PPM1A: variants seen among roughly 807,000 people sequenced by gnomAD.
PPM1A encodes the protein protein phosphatase, Mg2+/Mn2+ dependent 1A, also known as protein phosphatase 1A.
In PPM1A, 7 loss-of-function variants were observed where a neutral mutation model predicts 35.0. The observed-to-expected ratio is 0.20, with a 90% CI of 0.11 to 0.38. The LOEUF is 0.38. Ranked by LOEUF, PPM1A falls within the 10% of genes least tolerant of loss-of-function variation. The pLI is 1.00. For missense variants in PPM1A, 239 were observed against 467.8 expected (o/e 0.51, Z 4.51); for synonymous variants, 153 against 167.3 (o/e 0.91, Z 0.66).
At chr14:60,276,334 T>C (rs1055504199) in intron 1 of PPM1A, among the ~76,000 whole-genome samples, 6 of 152,162 alleles carry the variant, frequency 3.9e-5, no homozygotes, top group Non-Finnish European at 8.8e-5. Flanking sequence ...TCTCACTATA[T>C]ATTTTTTTCT....
rs532257214 is a variant in PPM1A, at chr14:60,297,474, G to T, written c.*4992G>T. 7.2e-5 allele frequency: 11 copies of T among 151,790 alleles called. No individual in the cohort carries two copies. The highest frequency in any genetic ancestry group is 2.2e-4 in the African/African-American group (9 of 41,506). 9.4% of individuals were successfully genotyped at this position (151,790 alleles called of 1,614,324 possible). On this transcript the variant is annotated 3_prime_UTR_variant, in exon 6 of 6. Coordinates refer to ENST00000395076, the MANE Select transcript of PPM1A (RefSeq NM_021003.5). ...ATAGAAACAACTGAGAAGAATTAAT[G>T]CAATGTTTCTTCACTAGAAAACCCA...
At chr14:60,248,975 C>G (rs879069396), upstream of PPM1A, among the ~76,000 whole-genome samples, 10 of 152,246 alleles carry the variant, frequency 6.6e-5, no homozygotes, top group South Asian at 6.2e-4. Context: ...GTGCTCCAGG[C>G]CGTAAGGCAA....
chr14:60,268,335 T>G (rs1203417476), intron 1 of PPM1A: 2 of 980,466 alleles, frequency 2.0e-6, no homozygotes, highest in African/African-American at 3.5e-5. Context: ...AAAAAAAAAT[T>G]TGTTTTCCGA....
chr14:60,248,402 G>T (rs972865335), upstream of PPM1A, among the ~76,000 whole-genome samples: 4 of 152,348 alleles, frequency 2.6e-5, no homozygotes, highest in African/African-American at 7.2e-5. Context: ...AATACAATGT[G>T]GAATCCCCTG....
chr14:60,250,057 C>T (rs1882188438), intron 1 of PPM1A, among the ~76,000 whole-genome samples: 1 of 151,226 alleles, frequency 6.6e-6, no homozygotes, highest in Non-Finnish European at 1.5e-5. Flanking sequence ...GGGGCGTCCC[C>T]GCGCCCCCAC....
At chr14:60,268,283 A>AT in intron 1 of PPM1A, 10 of 983,718 alleles carry the variant, frequency 1.0e-5, no homozygotes, top group Non-Finnish European at 1.2e-5. Context: ...ACTTTCTCAT[A>AT]TTGTTCCAGG....
chr14:60,293,766 T>G lies in PPM1A; in HGVS notation c.*1284T>G, dbSNP rs1301402025. 6.6e-6 allele frequency: 1 copy of G among 151,914 alleles called. No individual in the cohort carries two copies. The highest frequency in any genetic ancestry group is 1.5e-5 in the Non-Finnish European group (1 of 67,862). 9.4% of individuals were successfully genotyped at this position (151,914 alleles called of 1,614,324 possible). ...AAGTGGTTAAGATGTATTTGTGATT[T>G]GAAATATAGCATGTTGATAATATTT... On this transcript the variant is annotated 3_prime_UTR_variant, in exon 6 of 6. Coordinates refer to ENST00000395076, the MANE Select transcript of PPM1A (RefSeq NM_021003.5). The surrounding 1 kb of genome is among the most constrained non-coding windows in gnomAD (Gnocchi z 4.0).
upstream of PPM1A, among the ~76,000 whole-genome samples, chr14:60,247,121 A>T (rs1881829828): frequency 6.6e-6 from 1 of 152,212 alleles, no homozygotes; most frequent in Admixed American, 6.5e-5. Context: ...AATGTTAATG[A>T]GTCCACCAGC....
At position 60,279,072 on chromosome 14, in the gene PPM1A, G is replaced by C. The variant is rs540072692; in HGVS notation, c.-20-3612G>C. ...TATACACTTGGGACAAAAACTTCAA[G>C]AAACAGTATTTACTTACTTTTATCA... On this transcript the variant is annotated intron_variant, in intron 1 of 5. Transcript: ENST00000395076. Among the ~76,000 whole-genome samples, 3 of 152,250 alleles carry C rather than the reference G, an allele frequency of 2.0e-5. No individual in the cohort carries two copies. In the East Asian group the frequency reaches 5.8e-4, roughly 29 times the overall value.
rs1882059405 is a variant in PPM1A, at chr14:60,249,528, C to G, written c.-170C>G. Reference sequence around the variant, plus strand: ...CGGACGCAGCCCGGCTCCTCCCCTCCTCCGCCCCTTCCCCAGCCTGACCTG... The same window carrying G: ...CGGACGCAGCCCGGCTCCTCCCCTCGTCCGCCCCTTCCCCAGCCTGACCTG... On this transcript the variant is annotated 5_prime_UTR_variant, in exon 1 of 6. Transcript: ENST00000395076. This position sits in a 1 kb window ranked among gnomAD's most constrained non-coding sequence, Gnocchi z 4.5. 2.0e-6 allele frequency: 2 copies of G among 985,304 alleles called. No homozygotes were observed. Among genetic ancestry groups the G allele is most frequent in the Non-Finnish European group, 1.2e-6 (1 of 829,688 alleles). 61.0% of individuals were successfully genotyped at this position (985,304 alleles called of 1,614,324 possible).
rs575804222 is a variant in PPM1A at position 60,283,690 on chromosome 14, C to G, written c.834+153C>G. ...CAATTATGAAAATATATCATAGGACCACTATGTAGAAATAAATTACCCAAT... is the reference window on the plus strand; with the variant it reads ...CAATTATGAAAATATATCATAGGACGACTATGTAGAAATAAATTACCCAAT... On this transcript the variant is annotated intron_variant, in intron 2 of 5. Transcript: ENST00000395076. The surrounding 1 kb of genome is among the most constrained non-coding windows in gnomAD (Gnocchi z 6.3). Among the ~76,000 whole-genome samples the G allele has an allele frequency of 1.3e-5, 2 of 152,154 alleles. No individual in the cohort carries two copies. The highest frequency in any genetic ancestry group is 3.9e-4 in the East Asian group (2 of 5,170).
Position 60,256,007 on chromosome 14 carries a change from T to G in PPM1A, c.-21+6330T>G, listed in dbSNP as rs1269119378. ...TAGATGATGTGTTAAAGAAGAGAGATAACTATCAGCTGATTTAATTTGAAC... is the reference window on the plus strand; with the variant it reads ...TAGATGATGTGTTAAAGAAGAGAGAGAACTATCAGCTGATTTAATTTGAAC... On this transcript the variant is annotated intron_variant, in intron 1 of 5. Coordinates refer to ENST00000395076, the MANE Select transcript of PPM1A (RefSeq NM_021003.5). Among the ~76,000 whole-genome samples the G allele has an allele frequency of 3.9e-5, 6 of 152,360 alleles. No individual in the cohort carries two copies. In the East Asian group the frequency reaches 9.6e-4, roughly 24 times the overall value.
At position 60,289,821 on chromosome 14, in the gene PPM1A, A is replaced by G. The variant is rs1319517754; in HGVS notation, c.968A>G (p.Gln323Arg). 3 of 1,609,278 alleles carry G rather than the reference A, an allele frequency of 1.9e-6. No individual in the cohort carries two copies. The highest frequency in any genetic ancestry group is 2.5e-6 in the Non-Finnish European group (3 of 1,178,066). Residue 323 changes from glutamine to arginine, a missense_variant, in exon 4 of 6, where the codon CAG becomes CGG. This residue lies in a region of PPM1A where 64 missense variants were observed against 78.6 expected (regional missense o/e 0.81). Coordinates refer to ENST00000395076, the MANE Select transcript of PPM1A (RefSeq NM_021003.5). This position sits in a 1 kb window ranked among gnomAD's most constrained non-coding sequence, Gnocchi z 4.1. Reference sequence around the variant, plus strand: ...TGATTCCCAGAAATCATAAAGAAGCAGGGGGAAGGCGTCCCCGACTTAGTC... The same window carrying G: ...TGATTCCCAGAAATCATAAAGAAGCGGGGGGAAGGCGTCCCCGACTTAGTC... ...ECRVEEIIKK[Q>R]GEGVPDLVHV...
chr14:60,272,500 A>G lies in PPM1A; in HGVS notation c.-20-10184A>G, dbSNP rs187155212. On this transcript the variant is annotated intron_variant, in intron 1 of 5. Coordinates refer to ENST00000395076, the MANE Select transcript of PPM1A (RefSeq NM_021003.5). The stretch of plus-strand genomic sequence containing the variant: ...GGCAGGGGAATCACTTGAGGTCAGG[A>G]GTTTGAGACCAGCGTAGCCAACATG... Among the ~76,000 whole-genome samples the G allele has an allele frequency of 2.2e-3, 340 of 152,148 alleles. 2 individuals carry two copies. Among genetic ancestry groups the G allele is most frequent in the African/African-American group, 7.9e-3 (327 of 41,502 alleles).
At chr14:60,264,406 T>G (rs1884137171) in intron 1 of PPM1A, among the ~76,000 whole-genome samples, 1 of 152,138 alleles carries the variant, frequency 6.6e-6, no homozygotes, top group Non-Finnish European at 1.5e-5. Flanking sequence ...TTGGGCAAGT[T>G]CAAAATGGAT....
rs1886656922 is a variant in PPM1A, at chr14:60,283,859, G to A, written c.834+322G>A. Among the ~76,000 whole-genome samples the A allele has an allele frequency of 1.3e-5, 2 of 152,202 alleles. No homozygotes were observed. Among genetic ancestry groups the A allele is most frequent in the African/African-American group, 4.8e-5 (2 of 41,446 alleles). ...AGGGTGGGGAGGGTTAGGCCTCAGT[G>A]TCTATAAATGAAAAGCATTTTAGAG... On this transcript the variant is annotated intron_variant, in intron 2 of 5. Coordinates refer to ENST00000395076, the MANE Select transcript of PPM1A (RefSeq NM_021003.5). This position sits in a 1 kb window ranked among gnomAD's most constrained non-coding sequence, Gnocchi z 6.3.
At chr14:60,251,457 C>T (rs1566565746) in intron 1 of PPM1A, among the ~76,000 whole-genome samples, 1 of 152,078 alleles carries the variant, frequency 6.6e-6, no homozygotes, top group African/African-American at 2.4e-5. Context: ...GGGAACAGTG[C>T]AGTAGGAGAC....
chr14:60,258,999 C>G (rs1481429796), intron 1 of PPM1A, among the ~76,000 whole-genome samples: 2 of 152,056 alleles, frequency 1.3e-5, no homozygotes, highest in African/African-American at 4.8e-5. Context: ...TTGAGAAGTT[C>G]ATTTTGGGCC....
Position 60,292,555 on chromosome 14 carries a change from A to G in PPM1A, c.*73A>G, listed in dbSNP as rs1343425782. Reference sequence around the variant, plus strand: ...ACAGCTCAACTTTGTTGAAACTTTTAACATCCATCCTCAACTTTAAGGAAG... The same window carrying G: ...ACAGCTCAACTTTGTTGAAACTTTTGACATCCATCCTCAACTTTAAGGAAG... On this transcript the variant is annotated 3_prime_UTR_variant, in exon 6 of 6. Coordinates refer to ENST00000395076, the MANE Select transcript of PPM1A (RefSeq NM_021003.5). This position sits in a 1 kb window ranked among gnomAD's most constrained non-coding sequence, Gnocchi z 4.2. 3 of 1,356,728 alleles carry G rather than the reference A, an allele frequency of 2.2e-6. No homozygotes were observed. Among genetic ancestry groups the G allele is most frequent in the Admixed American group, 3.5e-5 (2 of 56,548 alleles). 84.0% of individuals were successfully genotyped at this position (1,356,728 alleles called of 1,614,324 possible). A position where few individuals can be genotyped will look rare whatever the true frequency, so the allele number is the denominator to read the frequency against.
Sources: gnomAD v4.1 joint callset for allele counts (sites outside exome capture counted in the v4.1 genomes callset) on GRCh38, gnomAD v4.1.1 for gene constraint, gnomAD v4.1.1 regional missense constraint, Gnocchi (gnomAD v3.1) non-coding constraint, MANE v1.5 for transcripts, NCBI Gene and HGNC (gene_info 2026-07-23, HGNC 2026-07-21) for gene names.